Variants in TLN2 observed in about 807,000 individuals in gnomAD.
TLN2 encodes talin-2.
TLN2 carries 118 observed loss-of-function variants against 294.7 expected under a neutral mutation model. The ratio of observed to expected loss-of-function variants is 0.40; its 90% CI spans 0.34 to 0.47. The LOEUF is 0.47. TLN2 is among the 20% of genes least tolerant of loss of function. The pLI is 0.84. For missense variants in TLN2, 3,083 were observed against 3,282.2 expected (o/e 0.94, Z 1.48); for synonymous variants, 1,431 against 1,304.5 (o/e 1.10, Z -2.09).
At chr15:62,629,582 T>C (rs1250562051) in intron 3 of TLN2, among the ~76,000 whole-genome samples, 1 of 152,210 alleles carries the variant, frequency 6.6e-6, no homozygotes, top group Non-Finnish European at 1.5e-5. Context: ...TTTTCCAAAG[T>C]TGTCCTGACA....
At chr15:62,459,482 A>G (rs1184581016) in intron 1 of TLN2, among the ~76,000 whole-genome samples, 1 of 152,128 alleles carries the variant, frequency 6.6e-6, no homozygotes. Context: ...CCTAGTAAGT[A>G]AAAAATTTAT....
intron 3 of TLN2, among the ~76,000 whole-genome samples, chr15:62,622,088 T>G (rs1024020532): frequency 1.4e-5 from 2 of 147,662 alleles, no homozygotes; most frequent in African/African-American, 2.5e-5. Flanking sequence ...AGCTGGGGGG[T>G]GGGGGGTGTG....
chr15:62,481,043 G>A (rs1595900674), intron 1 of TLN2, among the ~76,000 whole-genome samples: 1 of 152,174 alleles, frequency 6.6e-6, no homozygotes, highest in Middle Eastern at 3.4e-3. Flanking sequence ...CCATTCCAAC[G>A]AACTAGTCCA....
chr15:62,508,157 A>T (rs1454441584), intron 1 of TLN2, among the ~76,000 whole-genome samples: 2 of 152,114 alleles, frequency 1.3e-5, no homozygotes, highest in Non-Finnish European at 2.9e-5. Flanking sequence ...TAAATATATG[A>T]TGTTTCCTTC....
intron 28 of TLN2, among the ~76,000 whole-genome samples, chr15:62,735,027 T>C (rs2060932489): frequency 6.6e-6 from 1 of 152,224 alleles, no homozygotes. Context: ...GATTTGCGTA[T>C]TTTTCACGTA....
At chr15:62,449,996 C>A (rs2036010652) in intron 1 of TLN2, among the ~76,000 whole-genome samples, 1 of 152,158 alleles carries the variant, frequency 6.6e-6, no homozygotes, top group Admixed American at 6.5e-5. Flanking sequence ...TGGAATTCTG[C>A]CACTGTCACT....
At chr15:62,484,925 C>A (rs1368229740) in intron 1 of TLN2, among the ~76,000 whole-genome samples, 1 of 152,190 alleles carries the variant, frequency 6.6e-6, no homozygotes, top group Non-Finnish European at 1.5e-5. Flanking sequence ...TATCATCTTA[C>A]AATTCTCACT....
chr15:62,570,738 C>T (rs1052460656), intron 1 of TLN2, among the ~76,000 whole-genome samples: 4 of 152,248 alleles, frequency 2.6e-5, no homozygotes, highest in African/African-American at 4.8e-5. Flanking sequence ...ATGCCAGTAG[C>T]ACTCGGCCCC....
At chr15:62,570,749 A>C (rs896589567) in intron 1 of TLN2, among the ~76,000 whole-genome samples, 8 of 152,216 alleles carry the variant, frequency 5.3e-5, no homozygotes, top group African/African-American at 1.9e-4. Flanking sequence ...ACTCGGCCCC[A>C]GTGGTGGATA....
At chr15:62,618,858 G>A (rs2048530114) in intron 3 of TLN2, among the ~76,000 whole-genome samples, 1 of 152,206 alleles carries the variant, frequency 6.6e-6, no homozygotes. Context: ...CAAAGGTTCA[G>A]TTAGAAAATG....
intron 1 of TLN2, among the ~76,000 whole-genome samples, chr15:62,575,269 G>A (rs114064078): frequency 0.027 from 4,100 of 152,226 alleles, 189 homozygotes; most frequent in African/African-American, 0.094. Flanking sequence ...GTAGTGAGCC[G>A]AGATTGTGCC....
intron 9 of TLN2, among the ~76,000 whole-genome samples, chr15:62,660,676 A>G (rs531800465): frequency 1.3e-5 from 2 of 152,176 alleles, no homozygotes; most frequent in Non-Finnish European, 2.9e-5. Context: ...ATTTTGTACA[A>G]ATGTGTGGGG....
chr15:62,717,754 A>G, intron 24 of TLN2, 65 bp downstream of exon 24: 2 of 1,182,172 alleles, frequency 1.7e-6, no homozygotes, highest in Non-Finnish European at 2.3e-6. Context: ...TAGAACACCA[A>G]GTCCCCTGGT....
At chr15:62,750,164 A>G (rs1441577572) in intron 33 of TLN2, among the ~76,000 whole-genome samples, 2 of 152,226 alleles carry the variant, frequency 1.3e-5, no homozygotes, top group Non-Finnish European at 2.9e-5. Context: ...ACTGAAAACA[A>G]GAGATTCTCA....
At chr15:62,635,006 C>A (rs1173389898) in intron 3 of TLN2, among the ~76,000 whole-genome samples, 1 of 152,196 alleles carries the variant, frequency 6.6e-6, no homozygotes, top group Non-Finnish European at 1.5e-5. Context: ...TTTGTCAATT[C>A]TGTCTCTTGG....
chr15:62,835,400 G>T, intron 55 of TLN2: 1 of 325,416 alleles, frequency 3.1e-6, no homozygotes, highest in South Asian at 4.7e-5. Context: ...ATATGAAATG[G>T]AGAAAGCTCA....
chr15:62,591,066 C>T (rs1431942773), intron 2 of TLN2, among the ~76,000 whole-genome samples: 1 of 150,984 alleles, frequency 6.6e-6, no homozygotes, highest in African/African-American at 2.4e-5. Context: ...ACATACTGTT[C>T]TTTGTATTTT....
At chr15:62,673,072 T>TGTGTGTGTGTGTG (rs370861998) in intron 9 of TLN2, among the ~76,000 whole-genome samples, 2 of 144,798 alleles carry the variant, frequency 1.4e-5, no homozygotes, top group African/African-American at 5.1e-5. Flanking sequence ...CCTAATTTAA[T>TGTGTGTGTGTGTG]TGTGTGTGTG....
intron 3 of TLN2, chr15:62,637,470 A>G (rs769037795): frequency 1.6e-4 from 24 of 152,222 alleles, no homozygotes; most frequent in Admixed American, 1.4e-3. Context: ...TCGAGAGCTG[A>G]CACAGCCTTC....
Sources: allele counts gnomAD v4.1 joint callset (sites outside exome capture counted in the v4.1 genomes callset), GRCh38; gene constraint gnomAD v4.1.1; transcripts MANE v1.5; gene names NCBI Gene and HGNC (gene_info 2026-07-23, HGNC 2026-07-21).